The following EPHA6 variants were observed in gnomAD, a reference collection of about 807,000 sequenced individuals.
EPHA6 encodes ephrin type-A receptor 6.
In EPHA6, 50 loss-of-function variants were observed where a neutral mutation model predicts 112.0. The observed-to-expected ratio is 0.45, with a 90% CI of 0.36 to 0.56. EPHA6 has a LOEUF of 0.56. Among genes scored for constraint, EPHA6 ranks in the 20% least tolerant of loss-of-function variants. The pLI is 0.00. For missense variants in EPHA6, 1,280 were observed against 1,417.4 expected, an observed-to-expected ratio of 0.90 and a Z score of 1.56; for synonymous variants, 529 against 490.7, an observed-to-expected ratio of 1.08 and a Z score of -1.03.
chr3:96,858,679 G>T (rs1055219065), intron 1 of EPHA6, among the ~76,000 whole-genome samples: 1 of 151,994 alleles, frequency 6.6e-6, no homozygotes, highest in African/African-American at 2.4e-5. Context: ...TGTTTTCTTC[G>T]TATGATGGAT....
rs535459639 is a variant in EPHA6 at position 97,720,746 on chromosome 3, C to A, written c.2934+336C>A. On this transcript the variant is annotated intron_variant, in intron 15 of 17. Coordinates refer to ENST00000389672, the MANE Select transcript of EPHA6 (RefSeq NM_001080448.3). ...AGTAATGTTTACTTTTCGTTTCTTCCTTAGGGCAATTCAATGCAGCACTGT... is the reference window on the plus strand; with the variant it reads ...AGTAATGTTTACTTTTCGTTTCTTCATTAGGGCAATTCAATGCAGCACTGT... Among the ~76,000 whole-genome samples, 102 of 152,262 alleles carry A rather than the reference C, an allele frequency of 6.7e-4. 2 individuals are homozygous for A. The South Asian group carries it at 0.018, about 27-fold the overall frequency.
At chr3:97,406,892 AT>A (rs1219149689) in intron 6 of EPHA6, among the ~76,000 whole-genome samples, 3 of 152,138 alleles carry the variant, frequency 2.0e-5, no homozygotes, top group Non-Finnish European at 4.4e-5. Context: ...AAGAAAGCAT[AT>A]GTTTTCTGTT....
At chr3:97,042,243 G>A (rs145409958) in intron 3 of EPHA6, among the ~76,000 whole-genome samples, 6 of 152,050 alleles carry the variant, frequency 3.9e-5, no homozygotes, top group East Asian at 2.0e-4. Context: ...AGATCTGGTC[G>A]TTTAAAAGTA....
chr3:96,894,492 T>C lies in EPHA6; in HGVS notation c.450+27603T>C, dbSNP rs1000433147. 2.0e-5 allele frequency among the ~76,000 whole-genome samples: 3 copies of C among 152,100 alleles called. No individual in the cohort carries two copies. The East Asian group carries it at 5.8e-4, about 29-fold the overall frequency. On this transcript the variant is annotated intron_variant, in intron 2 of 17. Transcript: ENST00000389672. ...TGCAATTTAGGAGGATCTTTGTCCA[T>C]GCTATTGCTACAACCAAGGAATACA...
At chr3:97,735,874 A>G in intron 15 of EPHA6, 51 bp from the exon 16 acceptor site, 1 of 1,364,450 alleles carries the variant, frequency 7.3e-7, no homozygotes, top group Non-Finnish European at 9.8e-7. Context: ...ATTATAGCAT[A>G]TGTATTACTG....
intron 14 of EPHA6, among the ~76,000 whole-genome samples, chr3:97,685,579 T>C (rs2032186049): frequency 6.6e-6 from 1 of 152,164 alleles, no homozygotes; most frequent in African/African-American, 2.4e-5. Context: ...CTCCAGTCAC[T>C]GTAACAGGAG....
Position 97,086,330 on chromosome 3 carries a change from A to T in EPHA6, c.1114+98337A>T, listed in dbSNP as rs537985919. On this transcript the variant is annotated intron_variant, in intron 3 of 17. Transcript: ENST00000389672. ...TAACAAAGACCTCAGCTCCTTCAGTATTTACATTTCATTATAGGTTAGATA... is the reference window on the plus strand; with the variant it reads ...TAACAAAGACCTCAGCTCCTTCAGTTTTTACATTTCATTATAGGTTAGATA... Among the ~76,000 whole-genome samples, 10 of 152,192 alleles carry T rather than the reference A, an allele frequency of 6.6e-5. No individual in the cohort carries two copies. The South Asian group carries it at 2.1e-3, about 32-fold the overall frequency.
At chr3:97,385,899 G>A (rs1432860195) in intron 5 of EPHA6, among the ~76,000 whole-genome samples, 2 of 152,046 alleles carry the variant, frequency 1.3e-5, no homozygotes, top group East Asian at 1.9e-4. Flanking sequence ...AACAGCAAGG[G>A]GGAAGTCTGC....
At chr3:97,170,181 A>G (rs2076659697) in intron 3 of EPHA6, among the ~76,000 whole-genome samples, 1 of 151,898 alleles carries the variant, frequency 6.6e-6, no homozygotes, top group Admixed American at 6.6e-5. Context: ...TAAGTGAAGG[A>G]GTTCTATATG....
intron 5 of EPHA6, among the ~76,000 whole-genome samples, chr3:97,397,106 A>G (rs910577376): frequency 6.6e-6 from 1 of 151,812 alleles, no homozygotes; most frequent in African/African-American, 2.4e-5. Flanking sequence ...TATCAGCAAT[A>G]AAATTCTGCT....
Position 97,510,392 on chromosome 3 carries a change from G to A in EPHA6, c.2201-21966G>A, listed in dbSNP as rs141934354. On this transcript the variant is annotated intron_variant, in intron 10 of 17. Transcript: ENST00000389672. ...TTCTGTGTGGACATCCTTTTTGTTG[G>A]TGTTGATGCTACTCCTTTCTGTTTG... Among the ~76,000 whole-genome samples the A allele has an allele frequency of 6.5e-3, 995 of 152,202 alleles. 12 individuals carry two copies. Among genetic ancestry groups the A allele is most frequent in the African/African-American group, 0.022 (915 of 41,522 alleles).
At chr3:97,243,107 C>T (rs917809645) in intron 4 of EPHA6, among the ~76,000 whole-genome samples, 10 of 151,818 alleles carry the variant, frequency 6.6e-5, no homozygotes, top group Non-Finnish European at 1.0e-4. Context: ...GCACTCTACA[C>T]GGTGTGATCT....
chr3:97,507,066 C>T (rs2092267934), intron 10 of EPHA6, among the ~76,000 whole-genome samples: 1 of 152,146 alleles, frequency 6.6e-6, no homozygotes, highest in African/African-American at 2.4e-5. Flanking sequence ...AGATTTTGAG[C>T]TGAGATGATG....
At chr3:96,930,043 T>G (rs2040233245) in intron 2 of EPHA6, among the ~76,000 whole-genome samples, 1 of 152,236 alleles carries the variant, frequency 6.6e-6, no homozygotes, top group Non-Finnish European at 1.5e-5. Flanking sequence ...GTGAAGTTCT[T>G]ATAGTGTGTT....
chr3:97,129,745 G>C (rs1017283390), intron 3 of EPHA6, among the ~76,000 whole-genome samples: 1 of 152,090 alleles, frequency 6.6e-6, no homozygotes, highest in African/African-American at 2.4e-5. Flanking sequence ...GGAGCAGCAG[G>C]GTTGGGGAGT....
intron 6 of EPHA6, among the ~76,000 whole-genome samples, chr3:97,411,657 C>G (rs533414145): frequency 1.3e-5 from 2 of 152,098 alleles, no homozygotes; most frequent in South Asian, 4.1e-4. Context: ...TCTTTCTTTT[C>G]TATCTCTAGG....
chr3:97,479,203 T>C (rs1451579023), intron 8 of EPHA6, 91 bp from the exon 9 acceptor site: 3 of 703,950 alleles, frequency 4.3e-6, no homozygotes, highest in Non-Finnish European at 6.6e-6. Flanking sequence ...TGACAAGAAA[T>C]TTGTTCATAG....
At chr3:97,668,655 T>C (rs1280132532) in intron 14 of EPHA6, among the ~76,000 whole-genome samples, 1 of 152,136 alleles carries the variant, frequency 6.6e-6, no homozygotes, top group Non-Finnish European at 1.5e-5. Context: ...GGCTAACACC[T>C]GTAATCCCAG....
intron 6 of EPHA6, among the ~76,000 whole-genome samples, chr3:97,422,151 A>AG (rs1324840471): frequency 1.3e-5 from 2 of 151,458 alleles, no homozygotes; most frequent in South Asian, 2.1e-4. Context: ...AAAAAAAAAA[A>AG]AAAAAAGAAT....
Sources: gnomAD v4.1 joint callset for allele counts (sites outside exome capture counted in the v4.1 genomes callset) on GRCh38, gnomAD v4.1.1 for gene constraint, MANE v1.5 for transcripts, NCBI Gene and HGNC (gene_info 2026-07-23, HGNC 2026-07-21) for gene names.